FBXW11: variants seen among roughly 807,000 people sequenced by gnomAD.
FBXW11 encodes the protein F-box and WD repeat domain containing 11, also known as F-box/WD repeat-containing protein 11.
Under a neutral mutation model 77.6 loss-of-function variants are expected in FBXW11, and 19 were observed. That is an observed-to-expected ratio of 0.24 (90% confidence interval 0.17 to 0.36). FBXW11 has a LOEUF of 0.36. Ranked by LOEUF, FBXW11 falls within the 10% of genes least tolerant of loss-of-function variation. FBXW11 has a pLI of 1.00. For synonymous variants in FBXW11, 235 were observed against 249.4 expected (o/e 0.94, Z 0.54); for missense variants, 334 against 704.2 (o/e 0.47, Z 5.95).
rs899956940 is a variant in FBXW11, at chr5:171,863,289, T to TA, written c.*837dup. ...GGCTAAGTGCGAACACACTCTGTAT[T>TA]AGTGTCTCAAGCACAGGGGGCCCTG... is the stretch of plus-strand genomic sequence containing the variant. On this transcript the variant is annotated 3_prime_UTR_variant, in exon 14 of 14. Coordinates refer to ENST00000517395, the MANE Select transcript of FBXW11 (RefSeq NM_001378974.1). The TA allele has an allele frequency of 1.3e-5, 2 of 152,796 alleles. No individual in the cohort carries two copies. The highest frequency in any genetic ancestry group is 4.8e-5 in the African/African-American group (2 of 41,464). 9.5% of individuals were successfully genotyped at this position (152,796 alleles called of 1,614,324 possible).
At chr5:171,939,712 A>G (rs897820081) in intron 2 of FBXW11, among the ~76,000 whole-genome samples, 27 of 151,244 alleles carry the variant, frequency 1.8e-4, no homozygotes, top group African/African-American at 6.6e-4. Context: ...AAAAAAAAAA[A>G]AAAAAAGAAA....
At chr5:171,926,942 T>C (rs567691501) in intron 2 of FBXW11, among the ~76,000 whole-genome samples, 18 of 152,180 alleles carry the variant, frequency 1.2e-4, no homozygotes, top group Non-Finnish European at 1.3e-4. Flanking sequence ...GAATGGTCTT[T>C]TAAATAAAAG....
At chr5:171,946,756 C>T (rs1051631840) in intron 2 of FBXW11, among the ~76,000 whole-genome samples, 1 of 151,462 alleles carries the variant, frequency 6.6e-6, no homozygotes. Flanking sequence ...GCTCTATTCC[C>T]CCCTTTTCTC....
chr5:171,939,499 C>A (rs1762639198), intron 2 of FBXW11, among the ~76,000 whole-genome samples: 1 of 151,944 alleles, frequency 6.6e-6, no homozygotes. Flanking sequence ...GAGTTCAAGA[C>A]CAGCCTGTGC....
At chr5:171,988,715 G>T (rs1765577383) in intron 1 of FBXW11, among the ~76,000 whole-genome samples, 1 of 151,836 alleles carries the variant, frequency 6.6e-6, no homozygotes, top group Non-Finnish European at 1.5e-5. Flanking sequence ...CATGGTGGCA[G>T]GTGCCTGTAA....
intron 11 of FBXW11, among the ~76,000 whole-genome samples, chr5:171,870,071 G>T (rs1480446835): frequency 6.6e-6 from 1 of 152,166 alleles, no homozygotes; most frequent in African/African-American, 2.4e-5. Flanking sequence ...TCTAAATTCA[G>T]TTCCGGACTT....
chr5:171,913,035 C>T (rs1760981767), intron 3 of FBXW11, among the ~76,000 whole-genome samples: 1 of 151,966 alleles, frequency 6.6e-6, no homozygotes, highest in African/African-American at 2.4e-5. Context: ...AAGGGGAACA[C>T]ACCATGACAG....
At position 171,879,494 on chromosome 5, in the gene FBXW11, A is replaced by C. The variant is rs78224965; in HGVS notation, c.853-1365T>G. Among the ~76,000 whole-genome samples the C allele has an allele frequency of 3.3e-5, 5 of 152,228 alleles. No homozygotes were observed. In the East Asian group the frequency reaches 9.6e-4, roughly 29 times the overall value. The stretch of plus-strand genomic sequence containing the variant: ...ACTAAGTGGTATATATGGTAAAAGT[A>C]TGTTTAGTTTCGTAAGAATGCCAAA... On this transcript the variant is annotated intron_variant, in intron 7 of 13. Coordinates refer to ENST00000517395, the MANE Select transcript of FBXW11 (RefSeq NM_001378974.1).
intron 2 of FBXW11, among the ~76,000 whole-genome samples, chr5:171,946,420 C>T (rs1561710223): frequency 6.6e-6 from 1 of 152,196 alleles, no homozygotes; most frequent in Admixed American, 6.5e-5. Flanking sequence ...GACTTCCCAT[C>T]TCATGCAGAA....
intron 2 of FBXW11, among the ~76,000 whole-genome samples, chr5:171,927,363 T>TA (rs1242691766): frequency 6.6e-6 from 1 of 152,132 alleles, no homozygotes; most frequent in African/African-American, 2.4e-5. Context: ...AAAGGCAACT[T>TA]ACAGAGCAAG....
intron 2 of FBXW11, among the ~76,000 whole-genome samples, chr5:171,918,974 C>T (rs1761422255): frequency 6.6e-6 from 1 of 152,148 alleles, no homozygotes; most frequent in African/African-American, 2.4e-5. Context: ...AAGGCACTAC[C>T]ATCTCAGGCC....
At chr5:171,941,097 C>T (rs1762729658) in intron 2 of FBXW11, among the ~76,000 whole-genome samples, 1 of 152,092 alleles carries the variant, frequency 6.6e-6, no homozygotes, top group Non-Finnish European at 1.5e-5. Context: ...CCTCCCCACC[C>T]AATGCATAAT....
At chr5:171,921,482 G>A (rs935080509) in intron 2 of FBXW11, among the ~76,000 whole-genome samples, 1 of 152,134 alleles carries the variant, frequency 6.6e-6, no homozygotes, top group Admixed American at 6.6e-5. Context: ...AGAAAAATGT[G>A]TCTTAGGTGT....
At chr5:171,929,186 T>C (rs1306243793) in intron 2 of FBXW11, among the ~76,000 whole-genome samples, 1 of 151,982 alleles carries the variant, frequency 6.6e-6, no homozygotes, top group Non-Finnish European at 1.5e-5. Context: ...CCTGGCAACA[T>C]GGTAAAACCC....
At chr5:171,980,511 T>C (rs1765081930) in intron 1 of FBXW11, among the ~76,000 whole-genome samples, 2 of 152,166 alleles carry the variant, frequency 1.3e-5, no homozygotes, top group African/African-American at 2.4e-5. Flanking sequence ...AAAAGACTCA[T>C]AAATTAGTAA....
At chr5:171,986,128 C>A (rs950361450) in intron 1 of FBXW11, among the ~76,000 whole-genome samples, 2 of 152,164 alleles carry the variant, frequency 1.3e-5, no homozygotes, top group African/African-American at 4.8e-5. Flanking sequence ...TAAAATCTGG[C>A]CAGGAGCGGT....
chr5:171,955,784 G>A (rs534057218), intron 2 of FBXW11, among the ~76,000 whole-genome samples: 3 of 150,932 alleles, frequency 2.0e-5, no homozygotes, highest in Admixed American at 1.3e-4. Flanking sequence ...AGACAATATT[G>A]CTCCACTCAC....
Position 171,906,191 on chromosome 5 carries a change from G to C in FBXW11, c.436+4381C>G, listed in dbSNP as rs372485498. Among the ~76,000 whole-genome samples the C allele has an allele frequency of 3.2e-3, 483 of 152,244 alleles. 1 individual carries two copies. The highest frequency in any genetic ancestry group is 0.011 in the African/African-American group (463 of 41,550). ...TTATTTTAGAAATGCATTTCAAAGA[G>C]CAGCTGCAAAGAAACTTCCTTTCCC... On this transcript the variant is annotated intron_variant, in intron 4 of 13. Transcript: ENST00000517395.
At chr5:171,948,620 T>G (rs1029000618) in intron 2 of FBXW11, among the ~76,000 whole-genome samples, 3 of 152,088 alleles carry the variant, frequency 2.0e-5, no homozygotes, top group African/African-American at 7.2e-5. Context: ...CAAAAAAAGT[T>G]ATTTTCATAA....
Sources: allele counts gnomAD v4.1 joint callset (sites outside exome capture counted in the v4.1 genomes callset), GRCh38; gene constraint gnomAD v4.1.1; transcripts MANE v1.5; gene names NCBI Gene and HGNC (gene_info 2026-07-23, HGNC 2026-07-21).